The following KCNN2 variants were observed in gnomAD, a reference collection of about 807,000 sequenced individuals.
KCNN2 encodes potassium calcium-activated channel subfamily N member 2.
KCNN2 carries 24 observed loss-of-function variants against 55.5 expected under a neutral mutation model. The ratio of observed to expected loss-of-function variants is 0.43; its 90% CI spans 0.31 to 0.61. The LOEUF is 0.61. KCNN2 is among the 20% of genes least tolerant of loss of function. The probability of loss-of-function intolerance (pLI) is 0.08; values close to 1 mark genes in which losing one functional copy is unlikely to be tolerated. For synonymous variants in KCNN2, 431 were observed against 336.1 expected (o/e 1.28, Z -3.09); for missense variants, 754 against 853.6 (o/e 0.88, Z 1.45).
chr5:114,225,354 A>G (rs977572355), intron 2 of KCNN2, among the ~76,000 whole-genome samples: 2 of 152,228 alleles, frequency 1.3e-5, no homozygotes, highest in African/African-American at 4.8e-5. Context: ...TATATTATAT[A>G]GAAGAAGCAT....
At chr5:114,211,448 A>G (rs13185015) in intron 1 of KCNN2, among the ~76,000 whole-genome samples, 17,235 of 152,182 alleles carry the variant, frequency 0.11, 1,163 homozygotes, top group Middle Eastern at 0.23. Flanking sequence ...TTCTCAGCAA[A>G]CTAACACAGA....
intron 3 of KCNN2, among the ~76,000 whole-genome samples, chr5:114,411,745 C>T (rs1305307692): frequency 6.6e-6 from 1 of 152,138 alleles, no homozygotes; most frequent in African/African-American, 2.4e-5. Flanking sequence ...CAGGATGGTG[C>T]TCACCCACGT....
chr5:114,280,957 C>G (rs1182504853), intron 2 of KCNN2, among the ~76,000 whole-genome samples: 1 of 152,094 alleles, frequency 6.6e-6, no homozygotes, highest in Non-Finnish European at 1.5e-5. Flanking sequence ...CTTGAGCACA[C>G]TAACCCTTCT....
At chr5:114,374,130 A>G (rs1757863647) in intron 2 of KCNN2, among the ~76,000 whole-genome samples, 1 of 152,134 alleles carries the variant, frequency 6.6e-6, no homozygotes, top group South Asian at 2.1e-4. Context: ...TAAACTTAAC[A>G]TGGATGTGGC....
chr5:114,379,361 T>C (rs186412413), intron 2 of KCNN2, among the ~76,000 whole-genome samples: 51 of 151,602 alleles, frequency 3.4e-4, no homozygotes, highest in Admixed American at 1.5e-3. Flanking sequence ...TCCAAACTTA[T>C]TGACTCTTCC....
At chr5:114,303,084 C>A (rs1756200252) in intron 2 of KCNN2, among the ~76,000 whole-genome samples, 1 of 152,264 alleles carries the variant, frequency 6.6e-6, no homozygotes, top group African/African-American at 2.4e-5. Context: ...GGCATTCTGG[C>A]CATTGAGCAA....
intron 2 of KCNN2, among the ~76,000 whole-genome samples, chr5:114,244,395 A>G (rs1019546688): frequency 1.3e-4 from 20 of 152,080 alleles, no homozygotes; most frequent in African/African-American, 4.8e-4. Flanking sequence ...CAGGAGTTCA[A>G]GACCAACCTG....
intron 1 of KCNN2, among the ~76,000 whole-genome samples, chr5:114,175,408 T>A (rs1753115066): frequency 6.6e-6 from 1 of 152,202 alleles, no homozygotes; most frequent in Non-Finnish European, 1.5e-5. Context: ...TACTCATAAA[T>A]TTCTGAATAG....
chr5:114,416,373 A>G (rs1377511415), intron 3 of KCNN2, among the ~76,000 whole-genome samples: 1 of 152,050 alleles, frequency 6.6e-6, no homozygotes. Context: ...GTAGCTAGAC[A>G]TTGTGAAAAA....
chr5:114,087,611 A>T (rs1275243104), intron 1 of KCNN2, among the ~76,000 whole-genome samples: 1 of 151,844 alleles, frequency 6.6e-6, no homozygotes, highest in Non-Finnish European at 1.5e-5. Context: ...ATTCTTATTT[A>T]TGTAATCTTT....
chr5:114,204,139 A>G (rs1477265893), intron 1 of KCNN2, among the ~76,000 whole-genome samples: 1 of 152,138 alleles, frequency 6.6e-6, no homozygotes, highest in Non-Finnish European at 1.5e-5. Flanking sequence ...CTTTTGCATA[A>G]GGAACTAGAA....
intron 1 of KCNN2, among the ~76,000 whole-genome samples, chr5:114,219,581 C>A (rs1561527937): frequency 6.6e-6 from 1 of 152,130 alleles, no homozygotes; most frequent in Non-Finnish European, 1.5e-5. Context: ...GCTGTAATCT[C>A]ATCTACCAGC....
At chr5:114,076,762 C>A (rs564021935) in intron 1 of KCNN2, among the ~76,000 whole-genome samples, 2 of 152,244 alleles carry the variant, frequency 1.3e-5, no homozygotes, top group East Asian at 3.9e-4. Flanking sequence ...GGTGCGATCT[C>A]GGCTTACTGC....
intron 4 of KCNN2, among the ~76,000 whole-genome samples, chr5:114,468,904 G>A (rs1761575360): frequency 6.6e-6 from 1 of 152,140 alleles, no homozygotes; most frequent in African/African-American, 2.4e-5. Context: ...ATCAGCATAA[G>A]TAGATGATTT....
At chr5:114,437,051 GTGTT>G (rs950016435) in intron 3 of KCNN2, among the ~76,000 whole-genome samples, 10 of 152,048 alleles carry the variant, frequency 6.6e-5, no homozygotes, top group Middle Eastern at 6.3e-3. Flanking sequence ...TTGTGTGTGT[GTGTT>G]TGTGTGTGTG....
At chr5:114,162,017 C>T (rs1057488847) in intron 1 of KCNN2, among the ~76,000 whole-genome samples, 4 of 152,222 alleles carry the variant, frequency 2.6e-5, no homozygotes, top group Admixed American at 2.0e-4. Flanking sequence ...AAGTCATTCT[C>T]TGTCCAGCTT....
In KCNN2 at chr5:114,247,312, C is replaced by T. The variant is rs994903016; in HGVS notation, c.-185+25747C>T. 3.3e-5 allele frequency among the ~76,000 whole-genome samples: 5 copies of T among 151,382 alleles called. No individual in the cohort carries two copies. In the East Asian group the frequency reaches 9.7e-4, roughly 29 times the overall value. ...ACAGACAGTTTTCTACACATGCTGG[C>T]TCCTTATTTGTCACTTGAAGATGAT... On this transcript the variant is annotated intron_variant, in intron 2 of 10. Transcript: ENST00000512097.
chr5:114,305,257 T>C (rs986597601), intron 2 of KCNN2, among the ~76,000 whole-genome samples: 7 of 152,090 alleles, frequency 4.6e-5, no homozygotes, highest in African/African-American at 1.7e-4. Context: ...TCCTGGATGG[T>C]AAAGAAATTC....
chr5:114,359,495 G>A (rs1580745359), upstream of KCNN2, among the ~76,000 whole-genome samples: 1 of 152,154 alleles, frequency 6.6e-6, no homozygotes, highest in Non-Finnish European at 1.5e-5. Context: ...TGGAGCCTCT[G>A]TTGAAGCCGT....
Sources: allele counts gnomAD v4.1 joint callset (sites outside exome capture counted in the v4.1 genomes callset), GRCh38; gene constraint gnomAD v4.1.1; transcripts MANE v1.5; gene names NCBI Gene and HGNC (gene_info 2026-07-23, HGNC 2026-07-21).